Variants in DIAPH2 observed in about 807,000 individuals in gnomAD.
DIAPH2 encodes protein diaphanous homolog 2.
In DIAPH2, 35 loss-of-function variants were observed where a neutral mutation model predicts 92.7. The observed-to-expected ratio is 0.38, with a 90% CI of 0.29 to 0.50. The LOEUF (loss-of-function observed/expected upper bound fraction) is 0.50. Among genes scored for constraint, DIAPH2 ranks in the 20% least tolerant of loss-of-function variants. The pLI is 0.94. For synonymous variants in DIAPH2, 301 were observed against 280.4 expected (o/e 1.07, Z -0.73); for missense variants, 701 against 819.5 (o/e 0.86, Z 1.77).
intron 21 of DIAPH2, among the ~76,000 whole-genome samples, chrX:97,126,719 G>T (rs1325394361): frequency 8.9e-6 from 1 of 112,164 alleles, no homozygotes; most frequent in African/African-American, 3.2e-5. Flanking sequence ...CTAACCACAA[G>T]ACAAGAAAGC....
intron 23 of DIAPH2, among the ~76,000 whole-genome samples, chrX:97,282,823 T>C (rs2068509993): frequency 8.9e-6 from 1 of 111,958 alleles, no homozygotes; most frequent in Admixed American, 9.5e-5. Context: ...GGTTTTGCTT[T>C]GTTTCTCCCT....
At chrX:97,445,134 A>AT (rs1419987799) in intron 26 of DIAPH2, among the ~76,000 whole-genome samples, 16 of 110,624 alleles carry the variant, frequency 1.4e-4, no homozygotes, top group Admixed American at 1.4e-3. Flanking sequence ...AATTGAAATA[A>AT]TGTTTTTTTG....
chrX:97,518,155 TG>T (rs775827807), intron 26 of DIAPH2, among the ~76,000 whole-genome samples: 47 of 112,442 alleles, frequency 4.2e-4, no homozygotes, highest in African/African-American at 1.4e-3. Flanking sequence ...TGAGAAGTCC[TG>T]CTCACTGCCA....
At chrX:97,588,958 T>C (rs749453410) in intron 26 of DIAPH2, among the ~76,000 whole-genome samples, 94 of 84,121 alleles carry the variant, frequency 1.1e-3, no homozygotes, top group African/African-American at 3.6e-3. Context: ...GTTTGACAAA[T>C]TAATCATGCT....
chrX:97,482,099 G>A (rs924154422), intron 26 of DIAPH2, among the ~76,000 whole-genome samples: 1 of 112,164 alleles, frequency 8.9e-6, no homozygotes, highest in Non-Finnish European at 1.9e-5. Flanking sequence ...AAAGCACTAA[G>A]TATACTAGAA....
At chrX:97,539,714 A>G (rs1393076650) in intron 26 of DIAPH2, among the ~76,000 whole-genome samples, 1 of 111,801 alleles carries the variant, frequency 8.9e-6, no homozygotes, top group African/African-American at 3.2e-5. Flanking sequence ...TGATAGATAT[A>G]ATTGGTATGA....
At chrX:97,145,214 G>T (rs1026234719) in intron 22 of DIAPH2, among the ~76,000 whole-genome samples, 1 of 110,433 alleles carries the variant, frequency 9.1e-6, no homozygotes, top group Admixed American at 9.7e-5. Flanking sequence ...ATTGCATCCA[G>T]TAAAATGGTA....
At chrX:96,902,489 A>T (rs1187656247) in intron 5 of DIAPH2, among the ~76,000 whole-genome samples, 2 of 111,051 alleles carry the variant, frequency 1.8e-5, no homozygotes, top group Non-Finnish European at 3.8e-5. Context: ...TAAATGCAGG[A>T]TTGTAGTATC....
intron 4 of DIAPH2, among the ~76,000 whole-genome samples, chrX:96,835,962 C>T (rs1027392879): frequency 6.3e-5 from 7 of 110,488 alleles, no homozygotes; most frequent in Non-Finnish European, 1.3e-4. Context: ...TATAGATGCA[C>T]GCCACCACAG....
chrX:97,156,697 G>A (rs763446162), intron 22 of DIAPH2, among the ~76,000 whole-genome samples: 1 of 111,170 alleles, frequency 9.0e-6, no homozygotes, highest in Admixed American at 9.6e-5. Context: ...CCACCGATGG[G>A]GAGAAAAATT....
chrX:97,095,106 T>C (rs1327888634), intron 19 of DIAPH2, among the ~76,000 whole-genome samples: 1 of 51,685 alleles, frequency 1.9e-5, no homozygotes, highest in African/African-American at 7.4e-5. Flanking sequence ...TTCTTTTTTT[T>C]TTTTTTTTTT....
chrX:97,464,239 C>T (rs1349489680), intron 26 of DIAPH2, among the ~76,000 whole-genome samples: 7 of 91,439 alleles, frequency 7.7e-5, no homozygotes, highest in African/African-American at 2.6e-4. Context: ...CCGAGGCGGG[C>T]AGATCACAAG....
intron 20 of DIAPH2, among the ~76,000 whole-genome samples, chrX:97,102,228 C>T (rs2147365793): frequency 9.0e-6 from 1 of 111,673 alleles, no homozygotes; most frequent in Admixed American, 9.5e-5. Flanking sequence ...GTTTTAACAG[C>T]TATTTCACTC....
chrX:96,827,207 A>G (rs768590290), intron 4 of DIAPH2, among the ~76,000 whole-genome samples: 22 of 112,251 alleles, frequency 2.0e-4, no homozygotes, highest in Non-Finnish European at 3.2e-4. Flanking sequence ...CTCCATATCA[A>G]TAGTTGAGCC....
At chrX:97,578,442 T>A (rs1385054378) in intron 26 of DIAPH2, among the ~76,000 whole-genome samples, 4 of 105,666 alleles carry the variant, frequency 3.8e-5, no homozygotes, top group Non-Finnish European at 7.8e-5. Flanking sequence ...GCTCTTGCGA[T>A]AGTTTACTGA....
chrX:97,521,639 T>C (rs1407274637), intron 26 of DIAPH2, among the ~76,000 whole-genome samples: 1 of 111,266 alleles, frequency 9.0e-6, no homozygotes, highest in Non-Finnish European at 1.9e-5. Flanking sequence ...TCAGGAGATC[T>C]GATGGTTTTA....
At chrX:96,830,876 G>A (rs233693) in intron 4 of DIAPH2, among the ~76,000 whole-genome samples, 1 of 110,971 alleles carries the variant, frequency 9.0e-6, no homozygotes, top group African/African-American at 3.3e-5. Flanking sequence ...CTTTTTGGAG[G>A]GGCATTTCGT....
rs1423648818 is a variant in DIAPH2, at chrX:96,939,305, G to A, written c.1248G>A (p.Leu416=). 8.7e-7 allele frequency: 1 copy of A among 1,147,918 alleles called. No homozygotes were observed. Among genetic ancestry groups the A allele is most frequent in the South Asian group, 1.9e-5 (1 of 53,135 alleles). 94.6% of individuals were successfully genotyped at this position (1,147,918 alleles called of 1,213,427 possible). ...NEVYHLLYNM[L]KDTAAENYFL... ...TCTACCATCTTCTATATAATATGCT[G>A]AAGGACACTGCTGCTGAAAATTACT... is the stretch of plus-strand genomic sequence containing the variant. Residue 416 remains leucine (L), a synonymous_variant, in exon 12 of 27, where the codon CTG becomes CTA. Transcript: ENST00000324765.
At chrX:97,357,417 C>T (rs2069277766) in intron 24 of DIAPH2, among the ~76,000 whole-genome samples, 2 of 111,115 alleles carry the variant, frequency 1.8e-5, no homozygotes, top group Admixed American at 1.9e-4. Flanking sequence ...AGGACTTCCC[C>T]GGAATTGTGC....
Sources: gnomAD v4.1 joint callset for allele counts (sites outside exome capture counted in the v4.1 genomes callset) on GRCh38, gnomAD v4.1.1 for gene constraint, MANE v1.5 for transcripts, NCBI Gene and HGNC (gene_info 2026-07-23, HGNC 2026-07-21) for gene names.